The following ODR4 variants were observed in gnomAD, a reference collection of about 807,000 sequenced individuals.
The protein encoded by ODR4 is odr-4 GPCR localization factor homolog, also known as protein odr-4 homolog.
A neutral mutation model predicts 60.2 loss-of-function variants in ODR4; 47 were observed. That is an observed-to-expected ratio of 0.78 (90% CI 0.62 to 1.00). The LOEUF (loss-of-function observed/expected upper bound fraction) is 1.00, where lower values mean the gene tolerates loss of function less well. Ranked by LOEUF, ODR4 falls within the 50% of genes least tolerant of loss-of-function variation. The pLI is 0.00. For synonymous variants in ODR4, 178 were observed against 175.5 expected (o/e 1.01, Z -0.11); for missense variants, 488 against 530.8 (o/e 0.92, Z 0.79).
At chr1:186,391,149 C>T (rs1660454060) in intron 7 of ODR4, among the ~76,000 whole-genome samples, 1 of 152,030 alleles carries the variant, frequency 6.6e-6, no homozygotes, top group Non-Finnish European at 1.5e-5. Flanking sequence ...TGTCATTAAA[C>T]TAAATATAAC....
At chr1:186,428,857 A>T in the ODR4 span, among the ~76,000 whole-genome samples, 2 of 152,184 alleles carry the variant, frequency 1.3e-5, no homozygotes, top group East Asian at 3.8e-4. Context: ...CAATTTTATC[A>T]ATTAAGTTTG....
rs375074247 is a variant in ODR4 at position 186,391,756 on chromosome 1, G to A, written c.676G>A (p.Val226Ile). ...ENGVYLINGQVKDEDCDLLEG... is the reference protein window; with the variant it reads ...ENGVYLINGQIKDEDCDLLEG... The stretch of plus-strand genomic sequence containing the variant: ...TGGTGTTTATTTGATTAATGGACAA[G>A]TTAAAGATGAAGATTGTGACCTATT... The change falls in exon 8 of 14, where the codon GTT becomes ATT. Residue 226 changes from valine to isoleucine, a missense_variant. Physicochemically the swap from Val to Ile is conservative, Grantham distance 29. Transcript: ENST00000287859. 224 of 1,603,912 alleles carry A rather than the reference G, an allele frequency of 1.4e-4. 1 individual carries two copies. The highest frequency in any genetic ancestry group is 1.9e-4 in the Non-Finnish European group (219 of 1,175,040).
intron 12 of ODR4, among the ~76,000 whole-genome samples, chr1:186,414,330 A>G (rs1661475753): frequency 6.6e-6 from 1 of 151,900 alleles, no homozygotes; most frequent in Non-Finnish European, 1.5e-5. Context: ...CATGATCTTC[A>G]TATGTAATAA....
intron 1 of ODR4, 147 bp from the exon 2 acceptor site, chr1:186,379,620 A>G (rs1176528694): frequency 2.2e-6 from 1 of 461,188 alleles, no homozygotes; most frequent in East Asian, 3.5e-5. Context: ...ACTTTGCAAG[A>G]AGGAATACAC....
chr1:186,419,390 C>G lies in ODR4; in HGVS notation c.*314C>G. On this transcript the variant is annotated 3_prime_UTR_variant, in exon 14 of 14. Transcript: ENST00000287859. ...GATCATAGATTTTAGTCTTACTAAT[C>G]TGAATCACATATTAATCAGGACATT... 3.1e-6 allele frequency: 1 copy of G among 323,776 alleles called. No homozygotes were observed. The highest frequency in any genetic ancestry group is 9.7e-4 in the Middle Eastern group (1 of 1,028). The allele number at this position is 323,776 out of a possible 1,614,324, so 20.1% of individuals were successfully genotyped here. A position where few individuals can be genotyped will look rare whatever the true frequency, so the allele number is the denominator to read the frequency against.
intron 11 of ODR4, chr1:186,400,880 G>A (rs1405970523): frequency 1.7e-6 from 1 of 578,820 alleles, no homozygotes. Flanking sequence ...CAGTATGTGG[G>A]ACCTGTTCAC....
intron 4 of ODR4, among the ~76,000 whole-genome samples, chr1:186,387,505 A>G (rs1270954250): frequency 1.3e-5 from 2 of 152,168 alleles, no homozygotes; most frequent in African/African-American, 4.8e-5. Flanking sequence ...AGTATATAAA[A>G]CTTTAGAAAT....
chr1:186,423,240 ATTGT>A (rs976080427), downstream of ODR4, among the ~76,000 whole-genome samples: 2 of 152,108 alleles, frequency 1.3e-5, no homozygotes, highest in Non-Finnish European at 2.9e-5. Context: ...TTGCCAGCAT[ATTGT>A]GTGAGGTTGA....
At chr1:186,400,075 T>A (rs1323309253) in intron 11 of ODR4, among the ~76,000 whole-genome samples, 2 of 140,922 alleles carry the variant, frequency 1.4e-5, no homozygotes, top group African/African-American at 5.3e-5. Flanking sequence ...CACTGCAAGC[T>A]CCGCCTCCCG....
In ODR4 at chr1:186,391,717, A is replaced by G. The variant is rs773103926; in HGVS notation, c.637A>G (p.Lys213Glu). The G allele has an allele frequency of 5.6e-6, 9 of 1,602,500 alleles. 1 individual carries two copies. Among genetic ancestry groups the G allele is most frequent in the South Asian group, 3.4e-5 (3 of 88,526 alleles). ...TAAGAATGGACTTACACGCTGGGCC[A>G]AGGAAATAGAAAATGGTGTTTATTT... ...NTKNGLTRWA[K>E]EIENGVYLIN... The change falls in exon 8 of 14, where the codon AAG becomes GAG. Residue 213 changes from lysine to glutamate, a missense_variant. Physicochemically the swap from Lys to Glu is moderately conservative, Grantham distance 56. Transcript: ENST00000287859.
rs759964305 is a variant in ODR4 at position 186,389,571 on chromosome 1, G to C, written c.438-17G>C. 1 of 1,522,870 alleles carries C rather than the reference G, an allele frequency of 6.6e-7. No homozygotes were observed. Among genetic ancestry groups the C allele is most frequent in the Non-Finnish European group, 8.9e-7 (1 of 1,119,998 alleles). The allele number at this position is 1,522,870 out of a possible 1,614,324, so 94.3% of individuals were successfully genotyped here. A position where few individuals can be genotyped will look rare whatever the true frequency, so the allele number is the denominator to read the frequency against. On this transcript the variant is annotated splice_polypyrimidine_tract_variant and intron_variant, in intron 5 of 13. Coordinates refer to ENST00000287859, the MANE Select transcript of ODR4 (RefSeq NM_017847.6). Reference sequence around the variant, plus strand: ...AATAATGCCTTTTTTGGTTATTTCTGTCCTTAATTAGTGAAGAATATTTTG... The same window carrying C: ...AATAATGCCTTTTTTGGTTATTTCTCTCCTTAATTAGTGAAGAATATTTTG...
At chr1:186,402,642 C>T (rs1301494590) in intron 11 of ODR4, among the ~76,000 whole-genome samples, 2 of 151,810 alleles carry the variant, frequency 1.3e-5, no homozygotes, top group African/African-American at 4.8e-5. Flanking sequence ...TGTGGCTGTG[C>T]ACAGGTATGA....
downstream of ODR4, among the ~76,000 whole-genome samples, chr1:186,424,372 G>C (rs529342570): frequency 4.6e-5 from 7 of 152,178 alleles, no homozygotes; most frequent in South Asian, 1.5e-3. Flanking sequence ...TTCTTTTAAA[G>C]GAGTCATAAA....
At chr1:186,400,003 T>C (rs1043578715) in intron 11 of ODR4, among the ~76,000 whole-genome samples, 1 of 145,508 alleles carries the variant, frequency 6.9e-6, no homozygotes, top group African/African-American at 2.5e-5. Flanking sequence ...TTTTTTTTTT[T>C]TTTTTTGAGA....
chr1:186,390,677 A>G (rs1292275329), intron 6 of ODR4, 34 bp from the exon 7 acceptor site: 3 of 1,607,334 alleles, frequency 1.9e-6, no homozygotes, highest in South Asian at 1.1e-5. Flanking sequence ...TCTAGACTAC[A>G]TCATAGTTAT....
Position 186,398,357 on chromosome 1 carries a change from T to G in ODR4, c.825T>G (p.Cys275Trp). 6.2e-7 allele frequency: 1 copy of G among 1,611,316 alleles called. No individual in the cohort carries two copies. The highest frequency in any genetic ancestry group is 8.5e-7 in the Non-Finnish European group (1 of 1,178,450). The change falls in exon 10 of 14, where the codon TGT (cysteine) becomes TGG (tryptophan). Residue 275 changes from cysteine to tryptophan, a missense_variant. Physicochemically the swap from Cys to Trp is radical, Grantham distance 215. Coordinates refer to ENST00000287859, the MANE Select transcript of ODR4 (RefSeq NM_017847.6). ...DHRSTATVQICSGSVNLKGAV... is the reference protein window; with the variant it reads ...DHRSTATVQIWSGSVNLKGAV... ...GATCCACAGCCACAGTCCAGATATG[T>G]AGCGGTTCTGTAAACCTTAAGGGTG... is the stretch of plus-strand genomic sequence containing the variant.
chr1:186,430,597 C>G, the ODR4 span, among the ~76,000 whole-genome samples: 1,013 of 152,100 alleles, frequency 6.7e-3, 14 homozygotes, highest in African/African-American at 0.022. Flanking sequence ...CAAAAATAAC[C>G]AACATAATTT....
chr1:186,417,935 A>C (rs894831449), intron 13 of ODR4, among the ~76,000 whole-genome samples: 20 of 152,212 alleles, frequency 1.3e-4, no homozygotes, highest in Non-Finnish European at 5.9e-5. Context: ...TAGTAGGGCT[A>C]ATGTTTTACA....
rs376095706 is a variant in ODR4, at chr1:186,379,800, C to T, written c.15C>T (p.Tyr5=). 4.4e-6 allele frequency: 7 copies of T among 1,590,802 alleles called. No individual in the cohort carries two copies. In the African/African-American group the frequency reaches 8.2e-5, roughly 19 times the overall value. Residue 5 remains tyrosine, a synonymous_variant, in exon 2 of 14, where the codon TAC becomes TAT. Transcript: ENST00000287859. MGRT[Y]IVEETVGQYL... is the part of the protein sequence containing the mutation. ...AGTTCCTAAAAATGGGAAGAACCTA[C>T]ATTGTAGAAGAGACTGTTGGCCAGT...
Sources: gnomAD v4.1 joint callset for allele counts (sites outside exome capture counted in the v4.1 genomes callset) on GRCh38, gnomAD v4.1.1 for gene constraint, MANE v1.5 for transcripts, NCBI Gene and HGNC (gene_info 2026-07-23, HGNC 2026-07-21) for gene names.